Variants in SNAPC1 observed in about 807,000 individuals in gnomAD.
SNAPC1 encodes the protein small nuclear RNA activating complex polypeptide 1, also known as snRNA-activating protein complex subunit 1.
In SNAPC1, 42 loss-of-function variants were observed where a neutral mutation model predicts 50.1. That is an observed-to-expected ratio of 0.84 (90% CI 0.65 to 1.08). The LOEUF is 1.08. Among genes scored for constraint, SNAPC1 ranks in the 50% least tolerant of loss-of-function variants. The pLI is 0.00. For missense variants in SNAPC1, 477 were observed against 427.3 expected, an observed-to-expected ratio of 1.12 and a Z score of -1.02; for synonymous variants, 164 against 144.2, an observed-to-expected ratio of 1.14 and a Z score of -0.98.
chr14:61,786,334 A>G (rs138709730), intron 8 of SNAPC1, among the ~76,000 whole-genome samples: 13 of 152,334 alleles, frequency 8.5e-5, no homozygotes, highest in African/African-American at 3.1e-4. Flanking sequence ...TTTGTCTTCA[A>G]AAGACACTGT....
chr14:61,762,727 C>A, intron 1 of SNAPC1, 139 bp downstream of exon 1: 1 of 928,348 alleles, frequency 1.1e-6, no homozygotes, highest in Non-Finnish European at 1.6e-6. Context: ...ACTCCTGGAC[C>A]TTCCCCTGTG....
At position 61,763,590 on chromosome 14, in the gene SNAPC1, G is replaced by T. The variant is rs929847460; in HGVS notation, c.128+1002G>T. Among the ~76,000 whole-genome samples the T allele has an allele frequency of 2.0e-5, 3 of 150,706 alleles. No homozygotes were observed. In the South Asian group the frequency reaches 6.3e-4, roughly 32 times the overall value. On this transcript the variant is annotated intron_variant, in intron 1 of 9. Transcript: ENST00000216294. The stretch of plus-strand genomic sequence containing the variant: ...TTGTCCACCTTATTCTTCACTCAGG[G>T]TTAAGCTCAAATGACATCCTCGGGG...
Position 61,794,958 on chromosome 14 carries a change from C to A in SNAPC1, c.1082C>A (p.Ala361Glu). Residue 361 changes from alanine (A) to glutamate (E), a missense_variant, in exon 10 of 10, where the codon GCA (alanine) becomes GAA (glutamate). Ala to Glu is a moderately radical substitution (Grantham distance 107). Transcript: ENST00000216294. Reference protein sequence around the residue: ...NESLSGTEFTASKKRRKH With the variant: ...NESLSGTEFTESKKRRKH ...AACTTTATGTCTTTAGAGTTCACTG[C>A]ATCCAAGAAGAGGAGAAAACACTGA... 6.3e-7 allele frequency: 1 copy of A among 1,581,598 alleles called. No individual in the cohort carries two copies. The highest frequency in any genetic ancestry group is 8.6e-7 in the Non-Finnish European group (1 of 1,165,530).
intron 4 of SNAPC1, among the ~76,000 whole-genome samples, chr14:61,772,417 G>T (rs1036261554): frequency 2.8e-4 from 42 of 152,332 alleles, no homozygotes; most frequent in African/African-American, 9.6e-4. Flanking sequence ...GCTAATCTTT[G>T]TATTTTTAGC....
chr14:61,783,037 T>TTTTTTTTTC (rs1430485476), intron 8 of SNAPC1, among the ~76,000 whole-genome samples: 1 of 150,566 alleles, frequency 6.6e-6, no homozygotes, highest in African/African-American at 2.4e-5. Flanking sequence ...TTTTTTTTTT[T>TTTTTTTTTC]TTGAGAGGGA....
chr14:61,786,258 AC>A, intron 8 of SNAPC1, among the ~76,000 whole-genome samples: 1 of 149,072 alleles, frequency 6.7e-6, no homozygotes, highest in South Asian at 2.2e-4. Context: ...AATACATGAC[AC>A]AATAACACGA....
intron 1 of SNAPC1, among the ~76,000 whole-genome samples, chr14:61,765,165 T>C (rs2140173357): frequency 6.6e-6 from 1 of 152,344 alleles, no homozygotes; most frequent in East Asian, 1.9e-4. Flanking sequence ...GTAAGAAGAC[T>C]GTTACATTGA....
intron 1 of SNAPC1, among the ~76,000 whole-genome samples, chr14:61,765,822 G>A (rs1040454299): frequency 3.9e-5 from 6 of 152,296 alleles, no homozygotes; most frequent in East Asian, 3.9e-4. Context: ...TTGGTTGTAT[G>A]CTGGAGTATG....
In SNAPC1 at chr14:61,767,339, C is replaced by A; in HGVS notation, c.416C>A (p.Ala139Glu). 6.8e-7 allele frequency: 1 copy of A among 1,466,838 alleles called. No homozygotes were observed. The highest frequency in any genetic ancestry group is 2.5e-5 in the Admixed American group (1 of 40,426). The allele number at this position is 1,466,838 out of a possible 1,614,324, so 90.9% of individuals were successfully genotyped here. A position where few individuals can be genotyped will look rare whatever the true frequency, so the allele number is the denominator to read the frequency against. The change falls in exon 3 of 10, where the codon GCA (alanine) becomes GAA (glutamate). Residue 139 changes from alanine (A) to glutamate (E), a missense_variant. Transcript: ENST00000216294. ...LRLDRAFHFT[A>E]MPKLLSYRMK... The stretch of plus-strand genomic sequence containing the variant: ...CTAGACAGAGCATTTCACTTTACAG[C>A]AATGCCCAAATTGGTATGTTGCCTA...
chr14:61,793,043 G>T, intron 9 of SNAPC1, 141 bp downstream of exon 9: 1 of 506,490 alleles, frequency 2.0e-6, no homozygotes, highest in South Asian at 2.9e-5. Flanking sequence ...GAGAATTTCA[G>T]TATTAGTCAT....
At chr14:61,780,868 A>G (rs2045066546) in intron 7 of SNAPC1, among the ~76,000 whole-genome samples, 1 of 150,264 alleles carries the variant, frequency 6.7e-6, no homozygotes, top group African/African-American at 2.5e-5. Flanking sequence ...GATTGAACCA[A>G]TTGTGGATTG....
rs2045182478 is a variant in SNAPC1, at chr14:61,795,422, T to A, written c.*439T>A. The A allele has an allele frequency of 6.6e-6, 1 of 152,646 alleles. No homozygotes were observed. 9.5% of individuals were successfully genotyped at this position (152,646 alleles called of 1,614,324 possible). On this transcript the variant is annotated 3_prime_UTR_variant, in exon 10 of 10. Coordinates refer to ENST00000216294, the MANE Select transcript of SNAPC1 (RefSeq NM_003082.4). ...TGGATTTTTTATTTTGTATATTTAT[T>A]CTATTTTGTATATTGTTAAGTGCAA...
In SNAPC1 at chr14:61,787,676, G is replaced by T. The variant is rs111618576; in HGVS notation, c.977-5131G>T. Reference sequence around the variant, plus strand: ...TGAATGGTTGAAGTACTGCCGCTGGGATTGGCCAAGTCTCAGCTATTGTTA... The same window carrying T: ...TGAATGGTTGAAGTACTGCCGCTGGTATTGGCCAAGTCTCAGCTATTGTTA... On this transcript the variant is annotated intron_variant, in intron 8 of 9. Coordinates refer to ENST00000216294, the MANE Select transcript of SNAPC1 (RefSeq NM_003082.4). 8.5e-3 allele frequency among the ~76,000 whole-genome samples: 1,294 copies of T among 152,332 alleles called. 7 individuals are homozygous for T. The highest frequency in any genetic ancestry group is 0.027 in the Middle Eastern group (8 of 294).
intron 4 of SNAPC1, among the ~76,000 whole-genome samples, chr14:61,770,251 T>TC (rs58335915): frequency 1.3e-5 from 2 of 151,098 alleles, no homozygotes; most frequent in Admixed American, 1.3e-4. Context: ...TTTTTTTTTT[T>TC]CTTGTCCCTG....
chr14:61,785,374 C>T (rs1164804244), intron 8 of SNAPC1, among the ~76,000 whole-genome samples: 8 of 151,868 alleles, frequency 5.3e-5, no homozygotes, highest in Non-Finnish European at 1.0e-4. Flanking sequence ...GGAGCCTTTG[C>T]GCTCCAACCT....
chr14:61,785,588 A>G (rs2045110070), intron 8 of SNAPC1, among the ~76,000 whole-genome samples: 1 of 152,194 alleles, frequency 6.6e-6, no homozygotes, highest in African/African-American at 2.4e-5. Context: ...ACATGTGCCC[A>G]GTGTGGTCGG....
intron 4 of SNAPC1, among the ~76,000 whole-genome samples, chr14:61,769,409 T>TTTTC (rs1566587842): frequency 6.9e-6 from 1 of 145,260 alleles, no homozygotes; most frequent in Non-Finnish European, 1.5e-5. Flanking sequence ...TTTTTTTTTT[T>TTTTC]TTTTCTCACA....
chr14:61,771,605 C>T (rs1352288650), intron 4 of SNAPC1, among the ~76,000 whole-genome samples: 2 of 151,894 alleles, frequency 1.3e-5, no homozygotes, highest in Non-Finnish European at 1.5e-5. Flanking sequence ...AGAGGGGAGT[C>T]GTAAAGTTTT....
At chr14:61,786,892 GC>G (rs1212231407) in intron 8 of SNAPC1, among the ~76,000 whole-genome samples, 1 of 152,210 alleles carries the variant, frequency 6.6e-6, no homozygotes, top group Non-Finnish European at 1.5e-5. Context: ...ACTGCAAACA[GC>G]CTAAAAATCC....
Sources: gnomAD v4.1 joint callset for allele counts (sites outside exome capture counted in the v4.1 genomes callset) on GRCh38, gnomAD v4.1.1 for gene constraint, MANE v1.5 for transcripts, NCBI Gene and HGNC (gene_info 2026-07-23, HGNC 2026-07-21) for gene names.